The following DAB1 variants were observed in gnomAD, a reference collection of about 807,000 sequenced individuals.
DAB1 encodes DAB adaptor protein 1.
DAB1 carries 15 observed loss-of-function variants against 64.6 expected under a neutral mutation model. The observed-to-expected ratio is 0.23, with a 90% confidence interval of 0.16 to 0.36. The LOEUF (loss-of-function observed/expected upper bound fraction) is 0.36. DAB1 is among the 10% of genes least tolerant of loss of function. The probability of loss-of-function intolerance (pLI) is 1.00; values close to 1 mark genes in which losing one functional copy is unlikely to be tolerated. For missense variants in DAB1, 596 were observed against 706.7 expected (o/e 0.84, Z 1.78); for synonymous variants, 235 against 251.9 (o/e 0.93, Z 0.64).
chr1:57,331,013 G>A (rs1429351235), intron 1 of DAB1, among the ~76,000 whole-genome samples: 1 of 151,972 alleles, frequency 6.6e-6, no homozygotes, highest in Non-Finnish European at 1.5e-5. Context: ...ATCTCTTCCA[G>A]TTCATACCAA....
Position 58,402,656 on chromosome 1 carries a change from G to A in DAB1, n.258-59253C>T, listed in dbSNP as rs146447836. Among the ~76,000 whole-genome samples the A allele has an allele frequency of 1.3e-3, 201 of 151,500 alleles. 4 individuals carry two copies. In the East Asian group the frequency reaches 0.038, roughly 29 times the overall value. On this transcript the variant is annotated intron_variant and non_coding_transcript_variant, in intron 3 of 20. Transcript: ENST00000485760. The stretch of plus-strand genomic sequence containing the variant: ...GAGGAGGGAAAGGAGGAGGGGGGGA[G>A]AGAGAGGGAGAGAGGGTGATTTCAT...
At chr1:57,528,802 A>G (rs1439251915) in intron 7 of DAB1, among the ~76,000 whole-genome samples, 1 of 152,116 alleles carries the variant, frequency 6.6e-6, no homozygotes, top group Non-Finnish European at 1.5e-5. Flanking sequence ...TGTCAATCGA[A>G]AATTCTCTAT....
intron 3 of DAB1, among the ~76,000 whole-genome samples, chr1:58,485,429 A>G (rs779000350): frequency 6.6e-6 from 1 of 151,872 alleles, no homozygotes; most frequent in Non-Finnish European, 1.5e-5. Context: ...TAATTGCTAG[A>G]AACACTATAT....
intron 6 of DAB1, among the ~76,000 whole-genome samples, chr1:57,773,332 T>A (rs1159921758): frequency 7.1e-6 from 1 of 141,826 alleles, no homozygotes; most frequent in Non-Finnish European, 1.5e-5. Context: ...ATCTTCTTGT[T>A]ATTGAGTTGT....
chr1:58,001,737 T>A (rs746121319), intron 5 of DAB1, among the ~76,000 whole-genome samples: 1 of 152,142 alleles, frequency 6.6e-6, no homozygotes, highest in Non-Finnish European at 1.5e-5. Context: ...GTAGGCAGAA[T>A]AATGGTCCCC....
intron 5 of DAB1, among the ~76,000 whole-genome samples, chr1:58,046,254 AT>A (rs1647251537): frequency 6.6e-6 from 1 of 152,220 alleles, no homozygotes; most frequent in African/African-American, 2.4e-5. Context: ...CTAAATAAAG[AT>A]AAATATTTTT....
intron 3 of DAB1, among the ~76,000 whole-genome samples, chr1:58,400,309 C>CT (rs1330427186): frequency 6.6e-6 from 1 of 151,958 alleles, no homozygotes; most frequent in African/African-American, 2.4e-5. Flanking sequence ...CTGGGGCCAC[C>CT]TCTCAGTTCC....
In DAB1 at chr1:57,411,578, T is replaced by C. The variant is rs1054708884; in HGVS notation, c.-137+12352A>G. 2.0e-5 allele frequency among the ~76,000 whole-genome samples: 3 copies of C among 152,196 alleles called. No individual in the cohort carries two copies. In the South Asian group the frequency reaches 6.2e-4, roughly 31 times the overall value. Reference sequence around the variant, plus strand: ...GTCTAACCAGAAGAGAACTGTACCCTCCTTTGCAGATCCCTTCTCTCTCCA... The same window carrying C: ...GTCTAACCAGAAGAGAACTGTACCCCCCTTTGCAGATCCCTTCTCTCTCCA... On this transcript the variant is annotated intron_variant, in intron 1 of 14. Coordinates refer to ENST00000371236, the MANE Select transcript of DAB1 (RefSeq NM_001365792.1).
At chr1:58,420,718 C>A (rs1490329798) in intron 3 of DAB1, among the ~76,000 whole-genome samples, 1 of 152,110 alleles carries the variant, frequency 6.6e-6, no homozygotes, top group Non-Finnish European at 1.5e-5. Context: ...ATGATCCAGG[C>A]TTTGGAACCC....
At chr1:57,499,733 C>G (rs1644269119) in intron 7 of DAB1, among the ~76,000 whole-genome samples, 1 of 152,178 alleles carries the variant, frequency 6.6e-6, no homozygotes, top group Admixed American at 6.5e-5. Flanking sequence ...ATGAATTTCT[C>G]CTTATGATTA....
At chr1:57,412,066 A>C (rs866546714) in intron 1 of DAB1, among the ~76,000 whole-genome samples, 2 of 152,118 alleles carry the variant, frequency 1.3e-5, no homozygotes, top group Non-Finnish European at 2.9e-5. Context: ...TTATTATTAT[A>C]CTTATTATGA....
At chr1:58,216,185 C>T (rs1229539054) in intron 4 of DAB1, among the ~76,000 whole-genome samples, 3 of 152,056 alleles carry the variant, frequency 2.0e-5, no homozygotes, top group Non-Finnish European at 4.4e-5. Flanking sequence ...CCCTTAGCCC[C>T]CACCCCCCAA....
At chr1:58,126,655 G>C (rs1462435915) in intron 5 of DAB1, among the ~76,000 whole-genome samples, 7 of 130,054 alleles carry the variant, frequency 5.4e-5, no homozygotes, top group African/African-American at 2.1e-4. Context: ...TCCCCTTCCT[G>C]TGTCCATGTG....
At chr1:58,044,656 G>A (rs1319011486) in intron 5 of DAB1, among the ~76,000 whole-genome samples, 1 of 152,066 alleles carries the variant, frequency 6.6e-6, no homozygotes, top group Non-Finnish European at 1.5e-5. Flanking sequence ...AGGTTACAAA[G>A]GTTGTCAGAG....
At chr1:57,729,108 T>A (rs971884875) in intron 6 of DAB1, among the ~76,000 whole-genome samples, 3 of 152,234 alleles carry the variant, frequency 2.0e-5, no homozygotes, top group African/African-American at 7.2e-5. Context: ...GTTGGGGAAC[T>A]GTTAAGTTGC....
chr1:57,883,427 T>A (rs2101972611), intron 1 of DAB1, among the ~76,000 whole-genome samples: 1 of 152,280 alleles, frequency 6.6e-6, no homozygotes, highest in Non-Finnish European at 1.5e-5. Flanking sequence ...TATTCTTAAA[T>A]TGGGCCTGAA....
At chr1:57,912,879 C>T (rs1029436547) in intron 5 of DAB1, among the ~76,000 whole-genome samples, 2 of 152,164 alleles carry the variant, frequency 1.3e-5, no homozygotes, top group African/African-American at 4.8e-5. Context: ...AGGAATCCAA[C>T]TTACAAGGGA....
intron 5 of DAB1, among the ~76,000 whole-genome samples, chr1:57,982,522 C>T (rs1646092046): frequency 6.6e-6 from 1 of 152,134 alleles, no homozygotes; most frequent in Non-Finnish European, 1.5e-5. Context: ...AGGATGAGAG[C>T]TCATCTATGG....
intron 11 of DAB1, among the ~76,000 whole-genome samples, chr1:57,017,773 G>A (rs1363204659): frequency 1.3e-5 from 2 of 152,196 alleles, no homozygotes; most frequent in East Asian, 1.9e-4. Flanking sequence ...TTTCAAACGT[G>A]AAGCTTGCTT....
Sources: gnomAD v4.1 joint callset for allele counts (sites outside exome capture counted in the v4.1 genomes callset) on GRCh38, gnomAD v4.1.1 for gene constraint, MANE v1.5 for transcripts, NCBI Gene and HGNC (gene_info 2026-07-23, HGNC 2026-07-21) for gene names.